The following PHLDB2 variants were observed in gnomAD, a reference collection of about 807,000 sequenced individuals.
The protein encoded by PHLDB2 is pleckstrin homology like domain family B member 2, also known as pleckstrin homology-like domain family B member 2.
Under a neutral mutation model 123.6 loss-of-function variants are expected in PHLDB2, and 71 were observed. The observed-to-expected ratio is 0.57, with a 90% CI of 0.47 to 0.70. The LOEUF is 0.70. PHLDB2 is among the 30% of genes least tolerant of loss of function. The probability of loss-of-function intolerance (pLI) is 0.00; values close to 1 mark genes in which losing one functional copy is unlikely to be tolerated. For missense variants in PHLDB2, 1,446 were observed against 1,519.5 expected, an observed-to-expected ratio of 0.95 and a Z score of 0.80; for synonymous variants, 547 against 541.6, an observed-to-expected ratio of 1.01 and a Z score of -0.14.
intron 1 of PHLDB2, among the ~76,000 whole-genome samples, chr3:111,879,462 A>G (rs369442332): frequency 6.6e-6 from 1 of 152,116 alleles, no homozygotes; most frequent in South Asian, 2.1e-4. Context: ...GAAGGTCTTC[A>G]TCCTCTTCGT....
At chr3:111,781,443 A>G (rs1474880057) in intron 1 of PHLDB2, among the ~76,000 whole-genome samples, 1 of 152,066 alleles carries the variant, frequency 6.6e-6, no homozygotes, top group African/African-American at 2.4e-5. Context: ...CAGGATTGCC[A>G]GGAAAGCTTG....
chr3:111,875,171 A>G (rs538635174), intron 1 of PHLDB2, among the ~76,000 whole-genome samples: 2 of 151,588 alleles, frequency 1.3e-5, no homozygotes, highest in South Asian at 2.1e-4. Flanking sequence ...TTTTTTTGCA[A>G]TGGAGTTTTG....
At chr3:111,905,997 T>C (rs1434906183) in intron 2 of PHLDB2, among the ~76,000 whole-genome samples, 4 of 152,248 alleles carry the variant, frequency 2.6e-5, no homozygotes, top group Non-Finnish European at 4.4e-5. Context: ...ACAAATATGA[T>C]AGTGGTCCTA....
intron 2 of PHLDB2, among the ~76,000 whole-genome samples, chr3:111,895,896 C>T (rs1469713371): frequency 1.3e-5 from 2 of 151,302 alleles, no homozygotes; most frequent in African/African-American, 4.9e-5. Flanking sequence ...ATCTATCTAT[C>T]TATTTATATG....
chr3:111,913,342 C>A lies in PHLDB2; in HGVS notation c.1359C>A (p.Ile453=). ...AGGAGAGACAGCGTCTGGAGACCAT[C>A]CTCAGTCTCTGTGCTGAATACACAA... ...ERLERQRLET[I]LSLCAEYTKP... is the part of the protein sequence containing the mutation. The change falls in exon 3 of 18, where the codon ATC becomes ATA. Residue 453 remains isoleucine, a synonymous_variant. Transcript: ENST00000431670. 1.9e-6 allele frequency: 3 copies of A among 1,605,978 alleles called. No homozygotes were observed. The highest frequency in any genetic ancestry group is 2.6e-6 in the Non-Finnish European group (3 of 1,176,324).
intron 1 of PHLDB2, among the ~76,000 whole-genome samples, chr3:111,737,726 T>A (rs191693410): frequency 1.3e-5 from 2 of 152,112 alleles, no homozygotes; most frequent in Admixed American, 1.3e-4. Context: ...TCAAAAATAC[T>A]TCCTGCAGAG....
At position 111,932,467 on chromosome 3, in the gene PHLDB2, C is replaced by T. The variant is rs146259617; in HGVS notation, c.2130+70C>T. 92 of 1,477,436 alleles carry T rather than the reference C, an allele frequency of 6.2e-5. No homozygotes were observed. In the East Asian group the frequency reaches 2.3e-3, roughly 37 times the overall value. The allele number at this position is 1,477,436 out of a possible 1,614,324, so 91.5% of individuals were successfully genotyped here. On this transcript the variant is annotated intron_variant, in intron 6 of 17. Transcript: ENST00000431670. ...TTGTTTTTCACTTAAGTGCCACTTACCTGTGACTTACGACTTCATATAGCA... is the reference window on the plus strand; with the variant it reads ...TTGTTTTTCACTTAAGTGCCACTTATCTGTGACTTACGACTTCATATAGCA...
At chr3:111,818,437 T>A (rs1025487586) in intron 1 of PHLDB2, among the ~76,000 whole-genome samples, 2 of 152,164 alleles carry the variant, frequency 1.3e-5, no homozygotes, top group Non-Finnish European at 2.9e-5. Flanking sequence ...AGTTTCTGCC[T>A]TTGGTACAAA....
At chr3:111,846,002 G>T in intron 2 of PHLDB2, 1 of 1,480,360 alleles carries the variant, frequency 6.8e-7, no homozygotes, top group South Asian at 1.2e-5. Flanking sequence ...ATACATATTG[G>T]GAATGAGCTG....
intron 4 of PHLDB2, 83 bp downstream of exon 4, chr3:111,919,298 G>A: frequency 1.4e-6 from 2 of 1,419,558 alleles, no homozygotes; most frequent in African/African-American, 1.4e-5. Context: ...AGGCTTTGGA[G>A]GCCAGATACA....
chr3:111,945,154 A>T, intron 8 of PHLDB2, 114 bp from the exon 9 acceptor site: 1 of 727,826 alleles, frequency 1.4e-6, no homozygotes, highest in Non-Finnish European at 2.3e-6. Flanking sequence ...GAGAGGAAAT[A>T]GAAATGGGGG....
At chr3:111,843,197 G>T (rs994515048) in intron 1 of PHLDB2, among the ~76,000 whole-genome samples, 1 of 152,170 alleles carries the variant, frequency 6.6e-6, no homozygotes, top group African/African-American at 2.4e-5. Context: ...GAGGCATTTT[G>T]TATTTCCACA....
intron 7 of PHLDB2, 78 bp from the exon 8 acceptor site, chr3:111,940,457 T>G: frequency 1.3e-6 from 1 of 745,658 alleles, no homozygotes; most frequent in Non-Finnish European, 2.1e-6. Context: ...AAAATTTTTT[T>G]CTCCCTTTTC....
At chr3:111,767,003 C>G (rs1057235740) in intron 1 of PHLDB2, among the ~76,000 whole-genome samples, 4 of 129,824 alleles carry the variant, frequency 3.1e-5, no homozygotes, top group Middle Eastern at 6.6e-3. Flanking sequence ...TGCATTCCAG[C>G]CTGGGCAACA....
chr3:111,785,945 G>A (rs150742027), intron 1 of PHLDB2, among the ~76,000 whole-genome samples: 59 of 152,296 alleles, frequency 3.9e-4, no homozygotes, highest in African/African-American at 1.3e-3. Flanking sequence ...GCATGAAAAT[G>A]TGGTAGATTC....
Position 111,772,583 on chromosome 3 carries a change from G to A in PHLDB2, c.-49+39880G>A, listed in dbSNP as rs1188071460. Among the ~76,000 whole-genome samples, 4 of 152,238 alleles carry A rather than the reference G, an allele frequency of 2.6e-5. No homozygotes were observed. The South Asian group carries it at 8.3e-4, about 32-fold the overall frequency. On this transcript the variant is annotated intron_variant, in intron 1 of 17. Transcript: ENST00000393923. Reference sequence around the variant, plus strand: ...GATCAGCCCTGCCTGGCTAGATTCTGGGAATAACATTTTTCTTGTAGAGGA... The same window carrying A: ...GATCAGCCCTGCCTGGCTAGATTCTAGGAATAACATTTTTCTTGTAGAGGA...
chr3:111,776,411 T>C, intron 1 of PHLDB2, among the ~76,000 whole-genome samples: 1 of 152,208 alleles, frequency 6.6e-6, no homozygotes, highest in South Asian at 2.1e-4. Context: ...TATTTATAAT[T>C]TATGGGATTT....
chr3:111,853,341 C>T (rs540659408), intron 2 of PHLDB2, among the ~76,000 whole-genome samples: 1 of 152,138 alleles, frequency 6.6e-6, no homozygotes, highest in East Asian at 1.9e-4. Flanking sequence ...ATGAAGATGA[C>T]TTTTCTAAGA....
At chr3:111,911,802 CT>C in intron 2 of PHLDB2, 1 of 1,179,062 alleles carries the variant, frequency 8.5e-7, no homozygotes, top group Non-Finnish European at 1.2e-6. Flanking sequence ...TGGGGGATTA[CT>C]TTAGAGGGCA....
Sources: allele counts gnomAD v4.1 joint callset (sites outside exome capture counted in the v4.1 genomes callset), GRCh38; gene constraint gnomAD v4.1.1; transcripts MANE v1.5; gene names NCBI Gene and HGNC (gene_info 2026-07-23, HGNC 2026-07-21).